Variants in GRXCR1 observed in about 807,000 individuals in gnomAD.
GRXCR1 encodes the protein glutaredoxin and cysteine rich domain containing 1.
In GRXCR1, 27 loss-of-function variants were observed where a neutral mutation model predicts 27.3. The ratio of observed to expected loss-of-function variants is 0.99; its 90% confidence interval spans 0.73 to 1.37. GRXCR1 has a LOEUF of 1.37. Ranked by LOEUF, GRXCR1 falls within the 40% of genes most tolerant of loss-of-function variation. GRXCR1 has a pLI of 0.00. For synonymous variants in GRXCR1, 122 were observed against 131.1 expected, an observed-to-expected ratio of 0.93 and a Z score of 0.47; for missense variants, 379 against 354.4, an observed-to-expected ratio of 1.07 and a Z score of -0.56.
rs148906216 is a variant in GRXCR1 at position 42,895,508 on chromosome 4, C to A, written c.384+1858C>A. Among the ~76,000 whole-genome samples, 63 of 152,214 alleles carry A rather than the reference C, an allele frequency of 4.1e-4. 1 individual carries two copies. The East Asian group carries it at 0.011, about 28-fold the overall frequency. On this transcript the variant is annotated intron_variant, in intron 1 of 3. Coordinates refer to ENST00000399770, the MANE Select transcript of GRXCR1 (RefSeq NM_001080476.3). ...TTATCTTTAGTTTCATTGTCATCAG[C>A]AGCATCTTAATTGTGTGAATGTTCT...
At chr4:43,013,888 T>G (rs1712846425) in intron 2 of GRXCR1, among the ~76,000 whole-genome samples, 1 of 152,112 alleles carries the variant, frequency 6.6e-6, no homozygotes, top group African/African-American at 2.4e-5. Flanking sequence ...TGCGAACATC[T>G]AGTTTGATAA....
rs564611299 is a variant in GRXCR1, at chr4:42,926,242, C to CT, written c.384+32600dup. Among the ~76,000 whole-genome samples the CT allele has an allele frequency of 1.5e-3, 225 of 151,882 alleles. 1 individual carries two copies. The highest frequency in any genetic ancestry group is 5.1e-3 in the African/African-American group (211 of 41,446). On this transcript the variant is annotated intron_variant, in intron 1 of 3. Transcript: ENST00000399770. ...AGCTTATTGTGATGTTCCTTTCATT[C>CT]TTTTTTTTCTTTTTGCTCAACCCTG... is the stretch of plus-strand genomic sequence containing the variant.
chr4:42,955,611 TGTAAATACAGCAACA>T (rs1747984080), intron 1 of GRXCR1, among the ~76,000 whole-genome samples: 1 of 152,198 alleles, frequency 6.6e-6, no homozygotes, highest in Admixed American at 6.5e-5. Context: ...TTTCTAGATC[TGTAAATACAGCAACA>T]CTATGTAAGT....
intron 1 of GRXCR1, among the ~76,000 whole-genome samples, chr4:42,949,208 A>G (rs1560661127): frequency 6.6e-6 from 1 of 151,062 alleles, no homozygotes; most frequent in Non-Finnish European, 1.5e-5. Context: ...ACACACACAC[A>G]CAAAAAAAAA....
At chr4:42,960,987 T>C (rs577274018) in intron 1 of GRXCR1, among the ~76,000 whole-genome samples, 1 of 152,010 alleles carries the variant, frequency 6.6e-6, no homozygotes, top group East Asian at 1.9e-4. Context: ...TTTTTCCTAA[T>C]GCTCTCACTC....
intron 1 of GRXCR1, among the ~76,000 whole-genome samples, chr4:42,933,386 G>T (rs1747376538): frequency 6.6e-6 from 1 of 151,880 alleles, no homozygotes. Flanking sequence ...AAGGAGAGCT[G>T]CCTGGGTCTG....
In GRXCR1 at chr4:42,963,147, C is replaced by T. The variant is rs953882087; in HGVS notation, c.627+13C>T. 18 of 1,611,764 alleles carry T rather than the reference C, an allele frequency of 1.1e-5. No homozygotes were observed. Among genetic ancestry groups the T allele is most frequent in the African/African-American group, 1.1e-4 (8 of 74,792 alleles). ...CCATTACCTTGGGGTAAGTAAGCTG[C>T]CCAGGAAAGTCTTTTTCATAGAACC... On this transcript the variant is annotated intron_variant, in intron 2 of 3. Coordinates refer to ENST00000399770, the MANE Select transcript of GRXCR1 (RefSeq NM_001080476.3).
At chr4:42,998,994 G>C (rs1712264421) in intron 2 of GRXCR1, among the ~76,000 whole-genome samples, 1 of 152,148 alleles carries the variant, frequency 6.6e-6, no homozygotes, top group African/African-American at 2.4e-5. Context: ...TAAGTCAATA[G>C]AACTTAGGAA....
chr4:42,909,350 G>C (rs549281572), intron 1 of GRXCR1, among the ~76,000 whole-genome samples: 2 of 152,210 alleles, frequency 1.3e-5, no homozygotes, highest in East Asian at 3.9e-4. Context: ...TACAAATTAA[G>C]GCTCCCCCAT....
chr4:43,002,088 T>C (rs1262923595), intron 2 of GRXCR1, among the ~76,000 whole-genome samples: 2 of 152,190 alleles, frequency 1.3e-5, no homozygotes, highest in Non-Finnish European at 2.9e-5. Context: ...ATCGAACAAA[T>C]GTACAATCGG....
chr4:42,955,223 T>C (rs1560663501), intron 1 of GRXCR1, among the ~76,000 whole-genome samples: 1 of 151,982 alleles, frequency 6.6e-6, no homozygotes, highest in Non-Finnish European at 1.5e-5. Context: ...CCTTTATGTA[T>C]AGGAAAAAAT....
At chr4:42,975,320 G>A (rs1748489109) in intron 2 of GRXCR1, among the ~76,000 whole-genome samples, 1 of 152,092 alleles carries the variant, frequency 6.6e-6, no homozygotes, top group Non-Finnish European at 1.5e-5. Flanking sequence ...CACCTCCTGG[G>A]TTTAGAGACA....
intron 1 of GRXCR1, among the ~76,000 whole-genome samples, chr4:42,914,179 C>G (rs569283826): frequency 1.1e-3 from 170 of 152,300 alleles, no homozygotes; most frequent in African/African-American, 3.9e-3. Flanking sequence ...CCACCATCCT[C>G]CAATCCCTAG....
At chr4:42,898,508 T>A (rs1746398878) in intron 1 of GRXCR1, among the ~76,000 whole-genome samples, 1 of 152,026 alleles carries the variant, frequency 6.6e-6, no homozygotes, top group African/African-American at 2.4e-5. Context: ...GTTCACTGAA[T>A]CAAACTCCGA....
chr4:42,940,382 C>T (rs1747588995), intron 1 of GRXCR1, among the ~76,000 whole-genome samples: 1 of 152,072 alleles, frequency 6.6e-6, no homozygotes. Context: ...GGCATTTTGT[C>T]CTGCAACCTT....
At chr4:42,985,889 A>C (rs528571745) in intron 2 of GRXCR1, among the ~76,000 whole-genome samples, 1 of 152,302 alleles carries the variant, frequency 6.6e-6, no homozygotes, top group East Asian at 1.9e-4. Context: ...GCTTGACTTG[A>C]AAAAAATAAA....
At chr4:43,025,741 C>T (rs1167214412) in intron 3 of GRXCR1, among the ~76,000 whole-genome samples, 3 of 152,184 alleles carry the variant, frequency 2.0e-5, no homozygotes, top group Non-Finnish European at 4.4e-5. Context: ...CTTTGGGAGG[C>T]CAAGGCGGGC....
intron 2 of GRXCR1, among the ~76,000 whole-genome samples, chr4:42,990,393 G>A (rs932164326): frequency 2.0e-5 from 3 of 150,644 alleles, no homozygotes; most frequent in South Asian, 2.1e-4. Context: ...GGGTTTCACC[G>A]TTTTAGCCGG....
intron 2 of GRXCR1, among the ~76,000 whole-genome samples, chr4:42,970,980 A>C (rs1748372099): frequency 1.3e-5 from 2 of 152,138 alleles, no homozygotes; most frequent in African/African-American, 4.8e-5. Flanking sequence ...GCTGGGTTAC[A>C]TCTTAAATGC....
Sources: gnomAD v4.1 joint callset for allele counts (sites outside exome capture counted in the v4.1 genomes callset) on GRCh38, gnomAD v4.1.1 for gene constraint, MANE v1.5 for transcripts, NCBI Gene and HGNC (gene_info 2026-07-23, HGNC 2026-07-21) for gene names.